Variants in ZFHX3 observed in about 807,000 individuals in gnomAD.
ZFHX3 encodes the protein zinc finger homeobox protein 3.
ZFHX3 carries 42 observed loss-of-function variants against 279.1 expected under a neutral mutation model. The observed-to-expected ratio is 0.15, with a 90% CI of 0.12 to 0.19. The LOEUF (loss-of-function observed/expected upper bound fraction) is 0.19, where lower values mean the gene tolerates loss of function less well. ZFHX3 is among the 10% of genes least tolerant of loss of function. The probability of loss-of-function intolerance (pLI) is 1.00; values close to 1 mark genes in which losing one functional copy is unlikely to be tolerated. For missense variants in ZFHX3, 4,981 were observed against 4,754.0 expected, an observed-to-expected ratio of 1.05 and a Z score of -1.40; for synonymous variants, 2,293 against 1,957.8, an observed-to-expected ratio of 1.17 and a Z score of -4.52.
chr16:73,525,030 T>A (rs747741715), intron 2 of ZFHX3, among the ~76,000 whole-genome samples: 2 of 152,044 alleles, frequency 1.3e-5, no homozygotes, highest in Non-Finnish European at 2.9e-5. Context: ...GAAACCCCCA[T>A]GCCGTAAAGA....
At chr16:73,195,901 T>C (rs1406355634) in intron 5 of ZFHX3, among the ~76,000 whole-genome samples, 2 of 152,132 alleles carry the variant, frequency 1.3e-5, no homozygotes, top group African/African-American at 4.8e-5. Flanking sequence ...GTTACACCAA[T>C]GGTGCAGAGA....
At chr16:72,992,897 G>A (rs536468713) in intron 1 of ZFHX3, among the ~76,000 whole-genome samples, 12 of 152,230 alleles carry the variant, frequency 7.9e-5, no homozygotes, top group Non-Finnish European at 1.6e-4. Flanking sequence ...AGCACTCTGG[G>A]AGGCTGAGAC....
chr16:72,857,249 C>G (rs2037774792), intron 4 of ZFHX3, among the ~76,000 whole-genome samples: 1 of 152,190 alleles, frequency 6.6e-6, no homozygotes, highest in African/African-American at 2.4e-5. Flanking sequence ...AATTGGTTGG[C>G]AAGATGCTGT....
intron 1 of ZFHX3, chr16:72,973,971 G>T (rs886144007): frequency 6.6e-6 from 1 of 152,184 alleles, no homozygotes; most frequent in Admixed American, 6.5e-5. Flanking sequence ...ATCAAAGCCG[G>T]GTTCACTAGT....
rs1988452 is a variant in ZFHX3, at chr16:73,820,264, T to A, written c.-1608+71387A>T. Among the ~76,000 whole-genome samples, 507 of 152,182 alleles carry A rather than the reference T, an allele frequency of 3.3e-3. 2 individuals are homozygous for A. Among genetic ancestry groups the A allele is most frequent in the African/African-American group, 0.012 (480 of 41,508 alleles). On this transcript the variant is annotated intron_variant, in intron 1 of 17. Transcript: ENST00000641206. ...ACCACCACACTTGGCTAATTTTTTA[T>A]GTTTTTTAGTAAAGACAGGGTTTCA...
intron 7 of ZFHX3, among the ~76,000 whole-genome samples, chr16:73,114,604 A>G (rs950158793): frequency 2.6e-5 from 4 of 152,082 alleles, no homozygotes; most frequent in Non-Finnish European, 5.9e-5. Flanking sequence ...CCTTGAGCCC[A>G]GGAGGTCGAG....
chr16:73,139,439 T>C (rs889926860), intron 6 of ZFHX3, among the ~76,000 whole-genome samples: 9 of 152,250 alleles, frequency 5.9e-5, no homozygotes, highest in Non-Finnish European at 1.3e-4. Flanking sequence ...TTAATTTTTA[T>C]GCTTTGATAA....
rs757228717 is a variant in ZFHX3, at chr16:72,797,561, G to A, written c.5121C>T (p.Pro1707=). 19 of 1,614,046 alleles carry A rather than the reference G, an allele frequency of 1.2e-5. No individual in the cohort carries two copies. The East Asian group carries it at 3.8e-4, about 32-fold the overall frequency. The change falls in exon 9 of 10, where the codon CCC becomes CCT. Residue 1707 remains proline (P), a synonymous_variant. Transcript: ENST00000268489. The part of the protein sequence containing the change: ...IGANIASPSE[P]KEANRKKLAD... ...CCAGTTTCTTCCGATTGGCCTCTTT[G>A]GGCTCTGAAGGGGAAGCAATGTTGG...
In ZFHX3 at chr16:72,787,045, T is replaced by C. The variant is rs903283950; in HGVS notation, c.*119A>G. On this transcript the variant is annotated 3_prime_UTR_variant, in exon 10 of 10. Transcript: ENST00000268489. ...CACGCTTTTTCTTTTTTTTCTTTTT[T>C]TTTTTTTTTTTGTTTTTTGGTTAGA... 27 of 1,013,342 alleles carry C rather than the reference T, an allele frequency of 2.7e-5. No individual in the cohort carries two copies. The highest frequency in any genetic ancestry group is 3.8e-4 in the Middle Eastern group (1 of 2,648). The allele number at this position is 1,013,342 out of a possible 1,614,324, so 62.8% of individuals were successfully genotyped here. A position where few individuals can be genotyped will look rare whatever the true frequency, so the allele number is the denominator to read the frequency against.
At chr16:73,703,277 T>C (rs914290912) in intron 1 of ZFHX3, among the ~76,000 whole-genome samples, 6 of 152,122 alleles carry the variant, frequency 3.9e-5, no homozygotes, top group Non-Finnish European at 8.8e-5. Context: ...CTCAGGACAG[T>C]ACAAATGAGG....
chr16:73,582,999 A>G (rs1377774560), intron 2 of ZFHX3, among the ~76,000 whole-genome samples: 2 of 152,242 alleles, frequency 1.3e-5, no homozygotes, highest in Non-Finnish European at 2.9e-5. Context: ...ATAAAAGGCT[A>G]TAAGATTCAT....
At chr16:72,843,472 C>G (rs958723910) in intron 4 of ZFHX3, among the ~76,000 whole-genome samples, 1 of 145,110 alleles carries the variant, frequency 6.9e-6, no homozygotes, top group African/African-American at 2.6e-5. Context: ...GATCCCGCCA[C>G]TGCACTCCAT....
At chr16:73,073,215 A>G (rs918075104) in intron 8 of ZFHX3, among the ~76,000 whole-genome samples, 11 of 152,120 alleles carry the variant, frequency 7.2e-5, no homozygotes, top group Non-Finnish European at 1.6e-4. Flanking sequence ...CTTAAGACAC[A>G]TTTCTAGTAC....
intron 1 of ZFHX3, among the ~76,000 whole-genome samples, chr16:73,684,813 G>C (rs1017893642): frequency 3.3e-5 from 5 of 150,686 alleles, no homozygotes; most frequent in Non-Finnish European, 7.4e-5. Flanking sequence ...CAATTCTCCT[G>C]CTTCAGCCTC....
At chr16:73,634,133 T>C (rs762108959) in intron 2 of ZFHX3, among the ~76,000 whole-genome samples, 1 of 152,138 alleles carries the variant, frequency 6.6e-6, no homozygotes, top group African/African-American at 2.4e-5. Context: ...TACATACATA[T>C]ACATACATAA....
chr16:73,863,845 C>G (rs553227577), intron 1 of ZFHX3, among the ~76,000 whole-genome samples: 2 of 152,278 alleles, frequency 1.3e-5, no homozygotes, highest in South Asian at 4.2e-4. Context: ...TCTAATCCAT[C>G]TTTTCACAGT....
chr16:72,987,120 C>G (rs994885567), intron 1 of ZFHX3, among the ~76,000 whole-genome samples: 3 of 152,122 alleles, frequency 2.0e-5, no homozygotes, highest in Admixed American at 6.5e-5. Flanking sequence ...GTGATCCAGC[C>G]ACTACACGCC....
intron 1 of ZFHX3, among the ~76,000 whole-genome samples, chr16:72,982,763 C>G (rs1962667077): frequency 6.6e-6 from 1 of 152,226 alleles, no homozygotes. Context: ...AGTTTAAGAT[C>G]TGAGGAGTAG....
chr16:72,949,624 A>T (rs996235030), intron 3 of ZFHX3, among the ~76,000 whole-genome samples: 1 of 152,088 alleles, frequency 6.6e-6, no homozygotes, highest in Non-Finnish European at 1.5e-5. Context: ...GGAGAGAAAG[A>T]ATAAATGGAC....
Sources: gnomAD v4.1 joint callset for allele counts (sites outside exome capture counted in the v4.1 genomes callset) on GRCh38, gnomAD v4.1.1 for gene constraint, MANE v1.5 for transcripts, NCBI Gene and HGNC (gene_info 2026-07-23, HGNC 2026-07-21) for gene names.